The following CORO1B variants were observed in gnomAD, a reference collection of about 807,000 sequenced individuals.
CORO1B encodes coronin-1B.
In CORO1B, 30 loss-of-function variants were observed where a neutral mutation model predicts 51.1. That is an observed-to-expected ratio of 0.59 (90% CI 0.44 to 0.80). CORO1B has a LOEUF of 0.80. CORO1B is among the 30% of genes least tolerant of loss of function. CORO1B has a pLI of 0.00. For missense variants in CORO1B, 648 were observed against 700.4 expected, an observed-to-expected ratio of 0.93 and a Z score of 0.84; for synonymous variants, 310 against 289.7, an observed-to-expected ratio of 1.07 and a Z score of -0.71.
chr11:67,442,131 A>G, intron 2 of CORO1B, 43 bp from the exon 3 acceptor site: 1 of 1,595,236 alleles, frequency 6.3e-7, no homozygotes. Flanking sequence ...ATCCCTCCCG[A>G]AGCCTTGGTC....
Position 67,438,883 on chromosome 11 carries a change from C to T in CORO1B, c.1132G>A (p.Glu378Lys). 6.2e-7 allele frequency: 1 copy of T among 1,608,968 alleles called. No homozygotes were observed. The highest frequency in any genetic ancestry group is 8.5e-7 in the Non-Finnish European group (1 of 1,178,898). The change falls in exon 10 of 11, where the codon GAG becomes AAG. Residue 378 changes from glutamate to lysine, a missense_variant. Coordinates refer to ENST00000341356, the MANE Select transcript of CORO1B (RefSeq NM_020441.3). ...AGPEAALEAE[E>K]WVSGRDADPI... ...TCGGCATCCCGCCCGCTCACCCACT[C>T]CTCAGCCTCCAGGGCTGCCTCGGGC... is the stretch of plus-strand genomic sequence containing the variant.
chr11:67,436,454 A>T lies in CORO1B; in HGVS notation c.*1922T>A. 1 of 1,318,004 alleles carries T rather than the reference A, an allele frequency of 7.6e-7. No individual in the cohort carries two copies. The allele number at this position is 1,318,004 out of a possible 1,614,324, so 81.6% of individuals were successfully genotyped here. ...CCACTTTCGTTTTTTTCTCTTTGGGATCCTCTTGGGACAGCCAAGCAGAAA... is the reference window on the plus strand; with the variant it reads ...CCACTTTCGTTTTTTTCTCTTTGGGTTCCTCTTGGGACAGCCAAGCAGAAA... On this transcript the variant is annotated 3_prime_UTR_variant, in exon 11 of 11. Transcript: ENST00000341356.
rs1445418887 is a variant in CORO1B at position 67,436,567 on chromosome 11, C to A, written c.*1809G>T. On this transcript the variant is annotated 3_prime_UTR_variant, in exon 11 of 11. Coordinates refer to ENST00000341356, the MANE Select transcript of CORO1B (RefSeq NM_020441.3). ...GCCTCCTCCCTACCACTCACCTCCC[C>A]CAACAGCTGCATTAAGCCACCTGCC... is the stretch of plus-strand genomic sequence containing the variant. The A allele has an allele frequency of 6.3e-6, 3 of 479,940 alleles. No individual in the cohort carries two copies. The highest frequency in any genetic ancestry group is 6.0e-5 in the African/African-American group (3 of 49,634). The allele number at this position is 479,940 out of a possible 1,614,324, so 29.7% of individuals were successfully genotyped here. A position where few individuals can be genotyped will look rare whatever the true frequency, so the allele number is the denominator to read the frequency against.
chr11:67,435,948 C>T lies in CORO1B; in HGVS notation c.*2428G>A. 6.2e-7 allele frequency: 1 copy of T among 1,613,572 alleles called. No homozygotes were observed. Among genetic ancestry groups the T allele is most frequent in the Non-Finnish European group, 8.5e-7 (1 of 1,179,892 alleles). On this transcript the variant is annotated 3_prime_UTR_variant, in exon 11 of 11. Transcript: ENST00000341356. ...GGGACCTGCTCTGGGCTGGACGCCT[C>T]TCCACATTGCTGCTCGCCTTCCCCA... is the stretch of plus-strand genomic sequence containing the variant.
rs376910968 is a variant in CORO1B at position 67,440,247 on chromosome 11, C to T, written c.878G>A (p.Arg293Gln). Residue 293 changes from arginine to glutamine, a missense_variant, in exon 8 of 11, where the codon CGG becomes CAG. Coordinates refer to ENST00000341356, the MANE Select transcript of CORO1B (RefSeq NM_020441.3). ...YVCGKGDSSI[R>Q]YFEITEEPPY... ...AGGCTCCTCTGTGATCTCAAAGTACCGGATGCTGGAGTCACCCTGTGTGGG... is the reference window on the plus strand; with the variant it reads ...AGGCTCCTCTGTGATCTCAAAGTACTGGATGCTGGAGTCACCCTGTGTGGG... 2.5e-5 allele frequency: 41 copies of T among 1,613,632 alleles called. 1 individual carries two copies. The highest frequency in any genetic ancestry group is 4.0e-5 in the African/African-American group (3 of 74,928).
intron 9 of CORO1B, among the ~76,000 whole-genome samples, chr11:67,439,502 AG>A (rs1268380533): frequency 6.6e-6 from 1 of 152,172 alleles, no homozygotes; most frequent in African/African-American, 2.4e-5. Context: ...TGCCTCCTTC[AG>A]GAAGATCTGT....
chr11:67,442,442 G>C lies in CORO1B; in HGVS notation c.187C>G (p.Leu63Val), dbSNP rs767899717. The change falls in exon 2 of 11, where the codon CTC becomes GTC. Residue 63 changes from leucine (L) to valine (V), a missense_variant. Transcript: ENST00000341356. ...EASGGGAFLV[L>V]PLSKTGRIDK... ...ACAGGACCCACCTTGCTTAGGGGGA[G>C]CACCAGAAAGGCACCCCCTCCACTG... 3.7e-6 allele frequency: 6 copies of C among 1,613,110 alleles called. No individual in the cohort carries two copies. In the Admixed American group the frequency reaches 6.7e-5, roughly 18 times the overall value.
chr11:67,436,263 A>G lies in CORO1B; in HGVS notation c.*2113T>C. The G allele has an allele frequency of 6.5e-7, 1 of 1,544,538 alleles. No individual in the cohort carries two copies. Among genetic ancestry groups the G allele is most frequent in the South Asian group, 1.2e-5 (1 of 84,262 alleles). ...AGCAGGACAACGGTGACAGAGCTGG[A>G]GCCCACGCTGTCCTCCGCGCTGCCA... is the stretch of plus-strand genomic sequence containing the variant. On this transcript the variant is annotated 3_prime_UTR_variant, in exon 11 of 11. Transcript: ENST00000341356.
In CORO1B at chr11:67,438,854, C is replaced by T. The variant is rs558999092; in HGVS notation, c.1161G>A (p.Pro387=). The T allele has an allele frequency of 2.5e-5, 41 of 1,608,788 alleles. No individual in the cohort carries two copies. Among genetic ancestry groups the T allele is most frequent in the South Asian group, 2.5e-4 (23 of 90,344 alleles). The stretch of plus-strand genomic sequence containing the variant: ...AGGCCTCCCGCAGTGAGATGAGGAT[C>T]GGGTCGGCATCCCGCCCGCTCACCC... The part of the protein sequence containing the change: ...EEWVSGRDAD[P]ILISLREAYV... Residue 387 remains proline (P), a synonymous_variant, in exon 10 of 11, where the codon CCG becomes CCA. Coordinates refer to ENST00000341356, the MANE Select transcript of CORO1B (RefSeq NM_020441.3).
chr11:67,440,298 C>T (rs1565153010), intron 7 of CORO1B, 35 bp from the exon 8 acceptor site: 1 of 1,612,770 alleles, frequency 6.2e-7, no homozygotes, highest in Non-Finnish European at 8.5e-7. Flanking sequence ...CTGGGCACGC[C>T]TCTTCCCTGC....
At position 67,441,434 on chromosome 11, in the gene CORO1B, T is replaced by A; in HGVS notation, c.535A>T (p.Ile179Phe). 1 of 1,613,886 alleles carries A rather than the reference T, an allele frequency of 6.2e-7. No homozygotes were observed. Among genetic ancestry groups the A allele is most frequent in the Non-Finnish European group, 8.5e-7 (1 of 1,179,998 alleles). ...TTGTGGTTCCAGCTGACATTGTAGA[T>A]GAGGTCAGGGTGCAGGCTGTCCAGG... is the stretch of plus-strand genomic sequence containing the variant. ...YRLDSLHPDLIYNVSWNHNGS... is the reference protein window; with the variant it reads ...YRLDSLHPDLFYNVSWNHNGS... The change falls in exon 5 of 11, where the codon ATC becomes TTC. Residue 179 changes from isoleucine to phenylalanine, a missense_variant. Ile to Phe is a conservative substitution (Grantham distance 21). Coordinates refer to ENST00000341356, the MANE Select transcript of CORO1B (RefSeq NM_020441.3).
chr11:67,435,617 T>C lies in CORO1B; in HGVS notation c.*2759A>G, dbSNP rs1590981719. On this transcript the variant is annotated 3_prime_UTR_variant, in exon 11 of 11. Transcript: ENST00000341356. ...CATGGACTTGGGAACTGGTAGGGGGTGACAGTCTGAGGCATGGTCATGTGG... is the reference window on the plus strand; with the variant it reads ...CATGGACTTGGGAACTGGTAGGGGGCGACAGTCTGAGGCATGGTCATGTGG... 1 of 1,434,876 alleles carries C rather than the reference T, an allele frequency of 7.0e-7. No homozygotes were observed. Among genetic ancestry groups the C allele is most frequent in the African/African-American group, 1.4e-5 (1 of 69,746 alleles). 88.9% of individuals were successfully genotyped at this position (1,434,876 alleles called of 1,614,324 possible). A position where few individuals can be genotyped will look rare whatever the true frequency, so the allele number is the denominator to read the frequency against.
Position 67,435,972 on chromosome 11 carries a change from C to T in CORO1B, c.*2404G>A, listed in dbSNP as rs201375107. Reference sequence around the variant, plus strand: ...TCTCCACATTGCTGCTCGCCTTCCCCAGGGTCAGCCTGCAGGCCACCATCC... The same window carrying T: ...TCTCCACATTGCTGCTCGCCTTCCCTAGGGTCAGCCTGCAGGCCACCATCC... On this transcript the variant is annotated 3_prime_UTR_variant, in exon 11 of 11. Coordinates refer to ENST00000341356, the MANE Select transcript of CORO1B (RefSeq NM_020441.3). The T allele has an allele frequency of 7.6e-5, 123 of 1,613,724 alleles. No individual in the cohort carries two copies. The African/African-American group carries it at 1.5e-3, about 19-fold the overall frequency.
chr11:67,443,764 G>A (rs557359517), upstream of CORO1B: 58 of 985,296 alleles, frequency 5.9e-5, no homozygotes, highest in East Asian at 3.9e-3. Context: ...GCGGACCCGA[G>A]GCCCCTTCGC....
chr11:67,439,547 CCTT>C (rs1318452517), intron 9 of CORO1B, among the ~76,000 whole-genome samples: 4 of 152,208 alleles, frequency 2.6e-5, no homozygotes, highest in African/African-American at 4.8e-5. Flanking sequence ...TGCCTGGTGT[CCTT>C]CTCCTGTGGC....
chr11:67,439,117 G>A (rs952669718), intron 9 of CORO1B, among the ~76,000 whole-genome samples, 168 bp from the exon 10 acceptor site: 11 of 152,188 alleles, frequency 7.2e-5, no homozygotes, highest in African/African-American at 1.9e-4. Flanking sequence ...CAGCTCCCTC[G>A]GAAGCTTTCC....
At position 67,436,603 on chromosome 11, in the gene CORO1B, G is replaced by T. The variant is rs141833894; in HGVS notation, c.*1773C>A. 9 of 411,264 alleles carry T rather than the reference G, an allele frequency of 2.2e-5. No individual in the cohort carries two copies. Among genetic ancestry groups the T allele is most frequent in the African/African-American group, 1.7e-4 (8 of 48,368 alleles). The allele number at this position is 411,264 out of a possible 1,614,324, so 25.5% of individuals were successfully genotyped here. On this transcript the variant is annotated 3_prime_UTR_variant, in exon 11 of 11. Transcript: ENST00000341356. ...ATTAAGCCACCTGCCTGGGGCCTTC[G>T]CACTGGCTGTTCCCTCTGCCCGGAA...
chr11:67,435,934 T>G lies in CORO1B; in HGVS notation c.*2442A>C. 6.2e-7 allele frequency: 1 copy of G among 1,613,380 alleles called. No homozygotes were observed. The highest frequency in any genetic ancestry group is 1.3e-5 in the African/African-American group (1 of 75,020). ...CCTCAGCCCGCACGGGGACCTGCTC[T>G]GGGCTGGACGCCTCTCCACATTGCT... On this transcript the variant is annotated 3_prime_UTR_variant, in exon 11 of 11. Transcript: ENST00000341356.
At chr11:67,441,644 C>G in intron 4 of CORO1B, 89 bp downstream of exon 4, 1 of 1,551,726 alleles carries the variant, frequency 6.4e-7, no homozygotes, top group Non-Finnish European at 8.7e-7. Context: ...CTCAGCTTTC[C>G]CATTTGTCAT....
Sources: allele counts gnomAD v4.1 joint callset (sites outside exome capture counted in the v4.1 genomes callset), GRCh38; gene constraint gnomAD v4.1.1; transcripts MANE v1.5; gene names NCBI Gene and HGNC (gene_info 2026-07-23, HGNC 2026-07-21).